The following CREBBP variants were observed in gnomAD, a reference collection of about 807,000 sequenced individuals.
CREBBP encodes CREB binding lysine acetyltransferase.
CREBBP carries 19 observed loss-of-function variants against 265.0 expected under a neutral mutation model. That is an observed-to-expected ratio of 0.07 (90% confidence interval 0.05 to 0.11). The LOEUF is 0.11. Ranked by LOEUF, CREBBP falls within the 10% of genes least tolerant of loss-of-function variation. CREBBP has a pLI of 1.00. For synonymous variants in CREBBP, 1,457 were observed against 1,223.7 expected (o/e 1.19, Z -3.98); for missense variants, 2,525 against 3,219.0 (o/e 0.78, Z 5.22).
intron 1 of CREBBP, among the ~76,000 whole-genome samples, chr16:3,873,656 G>C (rs1166903436): frequency 6.6e-6 from 1 of 152,238 alleles, no homozygotes; most frequent in African/African-American, 2.4e-5. Context: ...CCTGAGATGG[G>C]AATTGTTATT....
intron 16 of CREBBP, among the ~76,000 whole-genome samples, chr16:3,765,270 C>G (rs988402101): frequency 1.3e-5 from 2 of 151,990 alleles, no homozygotes; most frequent in Non-Finnish European, 2.9e-5. Flanking sequence ...GGCACCGCGT[C>G]TGGCCGCCTG....
intron 5 of CREBBP, among the ~76,000 whole-genome samples, chr16:3,788,691 C>A (rs1170580160): frequency 1.3e-5 from 2 of 152,230 alleles, no homozygotes; most frequent in African/African-American, 4.8e-5. Flanking sequence ...TGGCTCACGC[C>A]TCTAATCCCA....
chr16:3,837,959 C>A (rs933117105), intron 2 of CREBBP, among the ~76,000 whole-genome samples: 12 of 152,120 alleles, frequency 7.9e-5, no homozygotes, highest in Non-Finnish European at 1.3e-4. Flanking sequence ...CTGCAAACAC[C>A]ATTCATAGTA....
Position 3,726,373 on chromosome 16 carries a change from A to G in CREBBP, c.*1345T>C, listed in dbSNP as rs1376228165. 4.3e-6 allele frequency: 1 copy of G among 233,074 alleles called. No individual in the cohort carries two copies. The highest frequency in any genetic ancestry group is 2.2e-5 in the African/African-American group (1 of 45,256). 14.4% of individuals were successfully genotyped at this position (233,074 alleles called of 1,614,324 possible). On this transcript the variant is annotated 3_prime_UTR_variant, in exon 31 of 31. Transcript: ENST00000262367. ...GACGACCCTAACTGTGTGAGCGACA[A>G]TCACCTGTGAGCCTCGAATGTGTGG...
intron 16 of CREBBP, among the ~76,000 whole-genome samples, chr16:3,759,990 T>C (rs1361952850): frequency 1.3e-5 from 2 of 152,224 alleles, no homozygotes; most frequent in African/African-American, 4.8e-5. Flanking sequence ...ACCTGGCTCA[T>C]GTTCACTCAC....
chr16:3,858,907 T>C lies in CREBBP; in HGVS notation c.86-7898A>G, dbSNP rs373719091. Among the ~76,000 whole-genome samples the C allele has an allele frequency of 5.9e-5, 9 of 152,326 alleles. No homozygotes were observed. The South Asian group carries it at 1.2e-3, about 21-fold the overall frequency. On this transcript the variant is annotated intron_variant, in intron 1 of 30. Coordinates refer to ENST00000262367, the MANE Select transcript of CREBBP (RefSeq NM_004380.3). ...CATAATGTAGGATGAGCAACAGTAG[T>C]GTAAGAAATAAGCATGTAAGAGTTC...
chr16:3,732,244 C>T (rs937906967), intron 28 of CREBBP, among the ~76,000 whole-genome samples: 7 of 152,212 alleles, frequency 4.6e-5, no homozygotes, highest in African/African-American at 1.7e-4. Flanking sequence ...TTCCACTGTG[C>T]CACAACCAGA....
chr16:3,776,392 T>A (rs2053138577), intron 11 of CREBBP, among the ~76,000 whole-genome samples: 1 of 152,160 alleles, frequency 6.6e-6, no homozygotes, highest in East Asian at 1.9e-4. Context: ...TAAAAATCAC[T>A]GCTTCAACCA....
chr16:3,784,647 T>G (rs182621475), intron 5 of CREBBP: 2 of 152,248 alleles, frequency 1.3e-5, no homozygotes, highest in African/African-American at 4.8e-5. Flanking sequence ...CACATGGTGA[T>G]GGACTGTGGA....
rs141279921 is a variant in CREBBP, at chr16:3,780,805, A to G, written c.1750T>C (p.Ser584Pro). The G allele has an allele frequency of 1.5e-4, 241 of 1,614,028 alleles. No individual in the cohort carries two copies. The highest frequency in any genetic ancestry group is 2.2e-4 in the South Asian group (20 of 91,074). Residue 584 changes from serine to proline, a missense_variant, in exon 8 of 31, where the codon TCT (serine) becomes CCT (proline). Physicochemically the swap from Ser to Pro is moderately conservative, Grantham distance 74 (BLOSUM62 -1). Coordinates refer to ENST00000262367, the MANE Select transcript of CREBBP (RefSeq NM_004380.3). ...CAGCCTTTCCTTACACCGGTGCTAG[A>G]AGGAGGAGCTGCTGTTGGTATAGTG... ...LSTIPTAAPPSSTGVRKGWHE... is the reference protein window; with the variant it reads ...LSTIPTAAPPPSTGVRKGWHE...
chr16:3,739,535 C>T lies in CREBBP; in HGVS notation c.4280+43G>A, dbSNP rs766857976. On this transcript the variant is annotated intron_variant, in intron 25 of 30. Coordinates refer to ENST00000262367, the MANE Select transcript of CREBBP (RefSeq NM_004380.3). ...TTAAGAGCCCTGGTCTATCCTAACACGGCTCACTGAATGACACGCCCTGGA... is the reference window on the plus strand; with the variant it reads ...TTAAGAGCCCTGGTCTATCCTAACATGGCTCACTGAATGACACGCCCTGGA... 3.3e-5 allele frequency: 53 copies of T among 1,612,624 alleles called. No homozygotes were observed. The South Asian group carries it at 3.6e-4, about 11-fold the overall frequency.
intron 3 of CREBBP, among the ~76,000 whole-genome samples, chr16:3,801,191 C>G (rs989241358): frequency 6.6e-5 from 10 of 152,206 alleles, no homozygotes; most frequent in African/African-American, 2.4e-4. Context: ...CTCTGTGCCC[C>G]TCCTCCACAG....
rs889344118 is a variant in CREBBP at position 3,780,838 on chromosome 16, T to C, written c.1717A>G (p.Thr573Ala). The change falls in exon 8 of 31, where the codon ACC becomes GCC. Residue 573 changes from threonine (T) to alanine (A), a missense_variant. Thr to Ala is a moderately conservative substitution (Grantham distance 58). This residue lies in a region of CREBBP where 144 missense variants were observed against 134.0 expected (regional missense o/e 1.07). Coordinates refer to ENST00000262367, the MANE Select transcript of CREBBP (RefSeq NM_004380.3). ...GCTGCTGTTGGTATAGTGCTGAGGGTTCCAATGTTACCAGAGTTGGAGCCA... is the reference window on the plus strand; with the variant it reads ...GCTGCTGTTGGTATAGTGCTGAGGGCTCCAATGTTACCAGAGTTGGAGCCA... ...NDGSNSGNIG[T>A]LSTIPTAAPP... The C allele has an allele frequency of 3.7e-6, 6 of 1,613,652 alleles. No individual in the cohort carries two copies. Among genetic ancestry groups the C allele is most frequent in the Non-Finnish European group, 5.1e-6 (6 of 1,180,028 alleles).
In CREBBP at chr16:3,729,347, G is replaced by A. The variant is rs752313638; in HGVS notation, c.5700C>T (p.Pro1900=). ...PGTPTQQPST[P]QTPQPPAQPQ... ...GCTGGGCAGGGGGCTGCGGCGTCTG[G>A]GGTGTGCTGGGCTGCTGTGTGGGGG... is the stretch of plus-strand genomic sequence containing the variant. The change falls in exon 31 of 31, where the codon CCC becomes CCT. Residue 1900 remains proline (P), a synonymous_variant. Coordinates refer to ENST00000262367, the MANE Select transcript of CREBBP (RefSeq NM_004380.3). The A allele has an allele frequency of 6.3e-7, 1 of 1,599,326 alleles. No homozygotes were observed. Among genetic ancestry groups the A allele is most frequent in the African/African-American group, 1.3e-5 (1 of 74,886 alleles).
Position 3,728,546 on chromosome 16 carries a change from C to T in CREBBP, c.6501G>A (p.Gln2167=), listed in dbSNP as rs143030370. 1.9e-6 allele frequency: 3 copies of T among 1,613,950 alleles called. No individual in the cohort carries two copies. Among genetic ancestry groups the T allele is most frequent in the Non-Finnish European group, 2.5e-6 (3 of 1,180,018 alleles). ...QQQAMGGLNP[Q]GQALNIMNPG... Reference sequence around the variant, plus strand: ...GGTTCATGATGTTCAAGGCCTGGCCCTGGGGGTTCAGGCCTCCCATCGCCT... The same window carrying T: ...GGTTCATGATGTTCAAGGCCTGGCCTTGGGGGTTCAGGCCTCCCATCGCCT... Residue 2167 remains glutamine (Q), a synonymous_variant, in exon 31 of 31, where the codon CAG becomes CAA. Transcript: ENST00000262367. The surrounding 1 kb of genome is among the most constrained non-coding windows in gnomAD (Gnocchi z 8.7).
intron 20 of CREBBP, among the ~76,000 whole-genome samples, chr16:3,750,785 A>C (rs1466528175): frequency 1.3e-5 from 2 of 152,254 alleles, no homozygotes; most frequent in Non-Finnish European, 2.9e-5. Context: ...GTTGGAGAAC[A>C]CTGGAATCCA....
intron 3 of CREBBP, among the ~76,000 whole-genome samples, chr16:3,804,440 G>A (rs533429930): frequency 6.6e-6 from 1 of 152,298 alleles, no homozygotes; most frequent in Non-Finnish European, 1.5e-5. Flanking sequence ...GTGAACCTCA[G>A]GGCCATCTCA....
chr16:3,848,605 G>C (rs1401477240), intron 2 of CREBBP, among the ~76,000 whole-genome samples: 1 of 152,098 alleles, frequency 6.6e-6, no homozygotes, highest in East Asian at 1.9e-4. Flanking sequence ...CTCAGTAATT[G>C]TTAAGATTAT....
intron 1 of CREBBP, 126 bp downstream of exon 1, chr16:3,879,706 G>C (rs915615921): frequency 9.8e-7 from 1 of 1,018,368 alleles, no homozygotes; most frequent in Non-Finnish European, 1.5e-6. Context: ...CGAGGGGAAC[G>C]GGCTGCGGGG....
Sources: allele counts gnomAD v4.1 joint callset (sites outside exome capture counted in the v4.1 genomes callset), GRCh38; gene constraint gnomAD v4.1.1; regional missense constraint gnomAD v4.1.1; non-coding constraint Gnocchi (gnomAD v3.1); transcripts MANE v1.5; gene names NCBI Gene and HGNC (gene_info 2026-07-23, HGNC 2026-07-21).